COL22A1: variants seen among roughly 807,000 people sequenced by gnomAD.
COL22A1 encodes collagen type XXII alpha 1 chain.
COL22A1 carries 221 observed loss-of-function variants against 248.9 expected under a neutral mutation model. That is an observed-to-expected ratio of 0.89 (90% CI 0.80 to 0.99). The LOEUF (loss-of-function observed/expected upper bound fraction) is 0.99. COL22A1 is among the 50% of genes least tolerant of loss of function. COL22A1 has a pLI of 0.00. For synonymous variants in COL22A1, 891 were observed against 793.4 expected, an observed-to-expected ratio of 1.12 and a Z score of -2.07; for missense variants, 2,240 against 2,179.0, an observed-to-expected ratio of 1.03 and a Z score of -0.56.
chr8:138,668,633 T>C (rs551551611), intron 41 of COL22A1, among the ~76,000 whole-genome samples: 18 of 152,336 alleles, frequency 1.2e-4, no homozygotes, highest in South Asian at 8.3e-4. Flanking sequence ...CCCCCTACCA[T>C]AGGCACAGAT....
chr8:138,685,197 CT>C lies in COL22A1; in HGVS notation c.2967+10del. 6.3e-7 allele frequency: 1 copy of C among 1,581,548 alleles called. No individual in the cohort carries two copies. The highest frequency in any genetic ancestry group is 8.7e-7 in the Non-Finnish European group (1 of 1,154,298). On this transcript the variant is annotated intron_variant, in intron 38 of 64. Transcript: ENST00000303045. ...TTCTACAGGCACTGGGACCCCCGAC[CT>C]TCCACTTACCGGCTCTCCATCCTTC...
chr8:138,628,402 C>T (rs1413402713), intron 50 of COL22A1, among the ~76,000 whole-genome samples: 1 of 152,160 alleles, frequency 6.6e-6, no homozygotes, highest in African/African-American at 2.4e-5. Context: ...GCCTGGCCCA[C>T]ATGGTGAAAC....
chr8:138,642,215 A>C (rs899342309), intron 47 of COL22A1, among the ~76,000 whole-genome samples: 1 of 152,182 alleles, frequency 6.6e-6, no homozygotes, highest in Non-Finnish European at 1.5e-5. Context: ...CAGGGTACTG[A>C]AGTTGGACTA....
chr8:138,821,102 G>A (rs779791217), intron 7 of COL22A1, 34 bp downstream of exon 7: 5 of 1,603,404 alleles, frequency 3.1e-6, no homozygotes, highest in Non-Finnish European at 4.3e-6. Context: ...CGGTGGCCTG[G>A]AACCTGGGCT....
rs545531201 is a variant in COL22A1 at position 138,868,429 on chromosome 8, T to C, written c.658+9321A>G. Among the ~76,000 whole-genome samples the C allele has an allele frequency of 9.2e-5, 14 of 152,270 alleles. No individual in the cohort carries two copies. The South Asian group carries it at 2.7e-3, about 29-fold the overall frequency. ...AGGGGTATATAATACATGTATGGTA[T>C]TGCAGTTTCAGAGAAGGGGGATAGT... On this transcript the variant is annotated intron_variant, in intron 3 of 64. Coordinates refer to ENST00000303045, the MANE Select transcript of COL22A1 (RefSeq NM_152888.3).
At chr8:138,843,703 T>C (rs1428749730) in intron 4 of COL22A1, among the ~76,000 whole-genome samples, 1 of 152,220 alleles carries the variant, frequency 6.6e-6, no homozygotes, top group Non-Finnish European at 1.5e-5. Context: ...GATTCACTCA[T>C]ATATTTATAA....
rs11985742 is a variant in COL22A1 at position 138,787,233 on chromosome 8, T to G, written c.1597-6253A>C. Among the ~76,000 whole-genome samples the G allele has an allele frequency of 7.3e-3, 1,102 of 150,338 alleles. 14 individuals carry two copies. Among genetic ancestry groups the G allele is most frequent in the African/African-American group, 0.026 (1,049 of 40,764 alleles). ...ATAGAAAGATCTTTAAAAGAATATG[T>G]AAAGCTAAGGATCCACAATAAAGCA... On this transcript the variant is annotated intron_variant, in intron 12 of 64. Transcript: ENST00000303045.
intron 63 of COL22A1, among the ~76,000 whole-genome samples, chr8:138,593,670 T>C (rs1379608711): frequency 2.0e-5 from 3 of 152,078 alleles, no homozygotes; most frequent in Non-Finnish European, 2.9e-5. Flanking sequence ...TGGCATTTAA[T>C]CTCCATTGAG....
At chr8:138,611,760 G>A (rs996031053) in intron 56 of COL22A1, among the ~76,000 whole-genome samples, 1 of 152,210 alleles carries the variant, frequency 6.6e-6, no homozygotes, top group Non-Finnish European at 1.5e-5. Flanking sequence ...CATCAGGGGA[G>A]ACTGTGACTC....
intron 59 of COL22A1, among the ~76,000 whole-genome samples, chr8:138,604,188 G>A (rs1039892459): frequency 6.6e-6 from 1 of 152,190 alleles, no homozygotes; most frequent in African/African-American, 2.4e-5. Flanking sequence ...AGAGAAGGAG[G>A]GGAGTGGTGG....
intron 18 of COL22A1, among the ~76,000 whole-genome samples, chr8:138,757,306 A>ATGTG (rs34499120): frequency 1.1e-4 from 17 of 151,592 alleles, no homozygotes; most frequent in African/African-American, 3.2e-4. Flanking sequence ...GAGCTATACT[A>ATGTG]TGTGTGTGTG....
At chr8:138,763,750 C>G (rs1833701036) in intron 16 of COL22A1, among the ~76,000 whole-genome samples, 1 of 152,214 alleles carries the variant, frequency 6.6e-6, no homozygotes, top group Non-Finnish European at 1.5e-5. Context: ...CCCTCCGCTG[C>G]CTCCCCTGCA....
intron 17 of COL22A1, among the ~76,000 whole-genome samples, chr8:138,761,034 T>C (rs1364101754): frequency 1.3e-5 from 2 of 152,154 alleles, no homozygotes; most frequent in Non-Finnish European, 2.9e-5. Context: ...CCTAAGGACA[T>C]AGACATGCGT....
Position 138,685,236 on chromosome 8 carries a change from G to A in COL22A1, c.2939C>T (p.Pro980Leu), listed in dbSNP as rs757163948. ...CTCTCCATCCTTCCCTTTTCCGGGT[G>A]GCCCAGGGAGCCCAGGAGCACCAGG... The part of the protein sequence containing the change: ...GDPGAPGLPG[P>L]PGKGKDGEPG... The change falls in exon 38 of 65, where the codon CCA (proline) becomes CTA (leucine). Residue 980 changes from proline to leucine, a missense_variant. Pro to Leu is a moderately conservative substitution (Grantham distance 98). Coordinates refer to ENST00000303045, the MANE Select transcript of COL22A1 (RefSeq NM_152888.3). 43 of 1,613,144 alleles carry A rather than the reference G, an allele frequency of 2.7e-5. No individual in the cohort carries two copies. The highest frequency in any genetic ancestry group is 3.5e-5 in the Non-Finnish European group (41 of 1,179,534).
At chr8:138,768,350 C>G (rs1378355776) in intron 16 of COL22A1, among the ~76,000 whole-genome samples, 1 of 152,194 alleles carries the variant, frequency 6.6e-6, no homozygotes, top group African/African-American at 2.4e-5. Flanking sequence ...GAGCCTGCCC[C>G]TGGCTTGGCC....
chr8:138,595,756 C>A (rs192844031), intron 62 of COL22A1, among the ~76,000 whole-genome samples: 1 of 152,006 alleles, frequency 6.6e-6, no homozygotes, highest in Non-Finnish European at 1.5e-5. Flanking sequence ...CACAGACTCT[C>A]GCAATGGGAG....
chr8:138,659,708 G>C lies in COL22A1; in HGVS notation c.3285+728C>G, dbSNP rs1206696689. ...TCTGGCATTGGAAACTCAGTCAGAG[G>C]GTGTCCCAGGAGATGAGGGTGCCTC... On this transcript the variant is annotated intron_variant, in intron 44 of 64. Coordinates refer to ENST00000303045, the MANE Select transcript of COL22A1 (RefSeq NM_152888.3). Among the ~76,000 whole-genome samples, 7 of 152,224 alleles carry C rather than the reference G, an allele frequency of 4.6e-5. No individual in the cohort carries two copies. The East Asian group carries it at 1.4e-3, about 30-fold the overall frequency.
chr8:138,710,637 A>C (rs1828884504), intron 30 of COL22A1, among the ~76,000 whole-genome samples: 1 of 150,100 alleles, frequency 6.7e-6, no homozygotes, highest in South Asian at 2.1e-4. Context: ...TTCACAGATG[A>C]AGAAACTGAG....
rs1383191952 is a variant in COL22A1, at chr8:138,588,995, T to C, written c.*258A>G. ...CAACTTTAAAGGAGTGGAAAAGAACTCACAAAGCATCAGCATATGAAATAA... is the reference window on the plus strand; with the variant it reads ...CAACTTTAAAGGAGTGGAAAAGAACCCACAAAGCATCAGCATATGAAATAA... On this transcript the variant is annotated 3_prime_UTR_variant, in exon 65 of 65. Coordinates refer to ENST00000303045, the MANE Select transcript of COL22A1 (RefSeq NM_152888.3). 1 of 341,242 alleles carries C rather than the reference T, an allele frequency of 2.9e-6. No individual in the cohort carries two copies. Among genetic ancestry groups the C allele is most frequent in the Non-Finnish European group, 5.2e-6 (1 of 192,160 alleles). The allele number at this position is 341,242 out of a possible 1,614,324, so 21.1% of individuals were successfully genotyped here. A position where few individuals can be genotyped will look rare whatever the true frequency, so the allele number is the denominator to read the frequency against.
Sources: allele counts gnomAD v4.1 joint callset (sites outside exome capture counted in the v4.1 genomes callset), GRCh38; gene constraint gnomAD v4.1.1; transcripts MANE v1.5; gene names NCBI Gene and HGNC (gene_info 2026-07-23, HGNC 2026-07-21).